The following FBXO34 variants were observed in gnomAD, a reference collection of about 807,000 sequenced individuals.
The protein encoded by FBXO34 is F-box only protein 34.
Under a neutral mutation model 24.5 loss-of-function variants are expected in FBXO34, and 12 were observed. That is an observed-to-expected ratio of 0.49 (90% CI 0.31 to 0.79). The LOEUF is 0.79. Ranked by LOEUF, FBXO34 falls within the 30% of genes least tolerant of loss-of-function variation. FBXO34 has a pLI of 0.04. For synonymous variants in FBXO34, 320 were observed against 311.9 expected, an observed-to-expected ratio of 1.03 and a Z score of -0.27; for missense variants, 823 against 857.7, an observed-to-expected ratio of 0.96 and a Z score of 0.51.
chr14:55,351,970 C>T lies in FBXO34; in HGVS notation c.1580C>T (p.Ser527Phe). 2 of 1,614,118 alleles carry T rather than the reference C, an allele frequency of 1.2e-6. No individual in the cohort carries two copies. Among genetic ancestry groups the T allele is most frequent in the Non-Finnish European group, 1.7e-6 (2 of 1,180,006 alleles). The change falls in exon 2 of 2, where the codon TCT (serine) becomes TTT (phenylalanine). Residue 527 changes from serine (S) to phenylalanine (F), a missense_variant. Physicochemically the swap from Ser to Phe is radical, Grantham distance 155. Transcript: ENST00000313833. ...GDSASEEKSG[S>F]AEPFVLPASS... ...AGTGCATCTGAGGAAAAAAGTGGGTCTGCTGAGCCATTTGTACTGCCAGCC... is the reference window on the plus strand; with the variant it reads ...AGTGCATCTGAGGAAAAAAGTGGGTTTGCTGAGCCATTTGTACTGCCAGCC...
the FBXO34 span, among the ~76,000 whole-genome samples, chr14:55,379,552 A>G: frequency 6.6e-6 from 1 of 152,154 alleles, no homozygotes; most frequent in Non-Finnish European, 1.5e-5. Flanking sequence ...CTTAAGAAAA[A>G]GAAGAAAGTA....
downstream of FBXO34, among the ~76,000 whole-genome samples, chr14:55,362,783 C>A (rs1026805710): frequency 6.6e-6 from 1 of 152,038 alleles, no homozygotes; most frequent in Admixed American, 6.5e-5. Flanking sequence ...TTGGCACTTT[C>A]ATTCCCAAAT....
the FBXO34 span, chr14:55,440,727 T>C: frequency 4.9e-6 from 3 of 615,846 alleles, no homozygotes; most frequent in East Asian, 6.4e-5. Context: ...CTGGGGGCAG[T>C]CACCCCACTC....
intron 1 of FBXO34, among the ~76,000 whole-genome samples, chr14:55,275,070 T>A (rs1881289117): frequency 6.6e-6 from 1 of 152,240 alleles, no homozygotes; most frequent in South Asian, 2.1e-4. Flanking sequence ...TTCTCCCCTT[T>A]AGTTAATGCT....
At chr14:55,413,223 T>C in the FBXO34 span, among the ~76,000 whole-genome samples, 1 of 152,256 alleles carries the variant, frequency 6.6e-6, no homozygotes, top group African/African-American at 2.4e-5. Flanking sequence ...CTCGGGCTTA[T>C]GTTTCATTTG....
intron 1 of FBXO34, among the ~76,000 whole-genome samples, chr14:55,296,104 G>A (rs1882112113): frequency 1.3e-5 from 2 of 152,054 alleles, no homozygotes; most frequent in African/African-American, 4.8e-5. Flanking sequence ...GCCTTAGCAA[G>A]TCCCCCCCTT....
At chr14:55,399,171 G>A in the FBXO34 span, among the ~76,000 whole-genome samples, 1 of 152,080 alleles carries the variant, frequency 6.6e-6, no homozygotes, top group Non-Finnish European at 1.5e-5. Flanking sequence ...AAATTTAATA[G>A]TCACTGAAAA....
At chr14:55,433,819 G>T in the FBXO34 span, 3 of 1,051,138 alleles carry the variant, frequency 2.9e-6, no homozygotes, top group African/African-American at 1.6e-5. Context: ...AAACAGATTG[G>T]ATGGGAAAAC....
At chr14:55,363,173 C>A (rs144226439), downstream of FBXO34, among the ~76,000 whole-genome samples, 1,271 of 151,020 alleles carry the variant, frequency 8.4e-3, 13 homozygotes, top group Middle Eastern at 0.02. Flanking sequence ...CAAGCACACA[C>A]CACCACGCCT....
intron 1 of FBXO34, among the ~76,000 whole-genome samples, chr14:55,278,032 C>G (rs146550878): frequency 6.6e-6 from 1 of 152,004 alleles, no homozygotes; most frequent in Non-Finnish European, 1.5e-5. Flanking sequence ...CTACTGCCAC[C>G]GCAGCACCGA....
downstream of FBXO34, among the ~76,000 whole-genome samples, chr14:55,371,119 AGATAAGCACAC>A (rs1242328147): frequency 6.6e-6 from 1 of 152,216 alleles, no homozygotes; most frequent in Non-Finnish European, 1.5e-5. Context: ...GCTGCCCCCA[AGATAAGCACAC>A]GATGCCTTGG....
downstream of FBXO34, among the ~76,000 whole-genome samples, chr14:55,357,276 T>C (rs1884535802): frequency 6.6e-6 from 1 of 152,188 alleles, no homozygotes; most frequent in Admixed American, 6.5e-5. Context: ...AGCCAGTGTC[T>C]GGGAAGAACT....
chr14:55,417,914 C>G, the FBXO34 span, among the ~76,000 whole-genome samples: 1 of 152,208 alleles, frequency 6.6e-6, no homozygotes, highest in Non-Finnish European at 1.5e-5. Context: ...CTACCTCTAA[C>G]TAGCTTTAAA....
chr14:55,440,525 C>A, the FBXO34 span: 1 of 1,608,006 alleles, frequency 6.2e-7, no homozygotes, highest in South Asian at 1.1e-5. Flanking sequence ...GAACCCGCTC[C>A]GGCCAGGGCG....
rs76397638 is a variant in FBXO34 at position 55,299,494 on chromosome 14, C to CA, written c.-11+27966dup. On this transcript the variant is annotated intron_variant, in intron 1 of 1. Coordinates refer to ENST00000313833, the MANE Select transcript of FBXO34 (RefSeq NM_017943.4). Reference sequence around the variant, plus strand: ...GTAAAATAAACTGTGTTTGCAAATCCAAAAAAAAAGCAAATTCTAGATATG... The same window carrying CA: ...GTAAAATAAACTGTGTTTGCAAATCCAAAAAAAAAAGCAAATTCTAGATATG... Among the ~76,000 whole-genome samples the CA allele has an allele frequency of 4.9e-3, 723 of 148,848 alleles. 5 individuals are homozygous for CA. Among genetic ancestry groups the CA allele is most frequent in the Non-Finnish European group, 7.6e-3 (513 of 67,416 alleles).
chr14:55,415,321 T>C, the FBXO34 span, among the ~76,000 whole-genome samples: 197 of 152,294 alleles, frequency 1.3e-3, no homozygotes, highest in Non-Finnish European at 2.4e-3. Context: ...ATAGCTTTAG[T>C]TGATAAAGAC....
At chr14:55,387,158 A>G in the FBXO34 span, among the ~76,000 whole-genome samples, 1 of 152,042 alleles carries the variant, frequency 6.6e-6, no homozygotes, top group Non-Finnish European at 1.5e-5. Context: ...AATTATAGTC[A>G]ATGCTCAGTG....
At chr14:55,286,462 T>G (rs537746707) in intron 1 of FBXO34, among the ~76,000 whole-genome samples, 9 of 152,326 alleles carry the variant, frequency 5.9e-5, no homozygotes, top group African/African-American at 2.2e-4. Flanking sequence ...TGTATTTGTT[T>G]TTAAACTCCT....
At chr14:55,329,589 A>T (rs1175086255) in intron 1 of FBXO34, among the ~76,000 whole-genome samples, 1 of 152,148 alleles carries the variant, frequency 6.6e-6, no homozygotes, top group Non-Finnish European at 1.5e-5. Flanking sequence ...ATTTTTGAGG[A>T]GTCATCTGAG....
Sources: allele counts gnomAD v4.1 joint callset (sites outside exome capture counted in the v4.1 genomes callset), GRCh38; gene constraint gnomAD v4.1.1; transcripts MANE v1.5; gene names NCBI Gene and HGNC (gene_info 2026-07-23, HGNC 2026-07-21).